The following CTNND2 variants were observed in gnomAD, a reference collection of about 807,000 sequenced individuals.
CTNND2 encodes catenin delta-2.
In CTNND2, 22 loss-of-function variants were observed where a neutral mutation model predicts 144.4. The ratio of observed to expected loss-of-function variants is 0.15; its 90% CI spans 0.11 to 0.22. CTNND2 has a LOEUF of 0.22. Among genes scored for constraint, CTNND2 ranks in the 10% least tolerant of loss-of-function variants. The pLI, the probability that CTNND2 is intolerant of heterozygous loss-of-function variation, is 1.00. For missense variants in CTNND2, 1,353 were observed against 1,618.8 expected (o/e 0.84, Z 2.82); for synonymous variants, 751 against 695.6 (o/e 1.08, Z -1.25).
chr5:11,572,582 C>T (rs190079728), intron 2 of CTNND2, among the ~76,000 whole-genome samples: 208 of 152,230 alleles, frequency 1.4e-3, no homozygotes, highest in Non-Finnish European at 2.6e-3. Context: ...TGATACATCC[C>T]TCTGCTCCAC....
At chr5:11,669,310 T>C (rs1161014074) in intron 2 of CTNND2, among the ~76,000 whole-genome samples, 1 of 152,190 alleles carries the variant, frequency 6.6e-6, no homozygotes, top group Non-Finnish European at 1.5e-5. Context: ...TCTTTTTCTA[T>C]TGTTTGGAAT....
chr5:11,858,138 T>G (rs1024960052), intron 1 of CTNND2, among the ~76,000 whole-genome samples: 3 of 152,242 alleles, frequency 2.0e-5, no homozygotes, highest in African/African-American at 7.2e-5. Flanking sequence ...TTGTGCTTAT[T>G]TTTCACTCTT....
At chr5:10,993,114 A>G (rs545053086) in intron 18 of CTNND2, among the ~76,000 whole-genome samples, 1 of 152,238 alleles carries the variant, frequency 6.6e-6, no homozygotes, top group African/African-American at 2.4e-5. Context: ...TGGCAACCAG[A>G]ATCCAGGGCA....
At chr5:11,369,030 T>C (rs1178105594) in intron 7 of CTNND2, among the ~76,000 whole-genome samples, 1 of 152,230 alleles carries the variant, frequency 6.6e-6, no homozygotes, top group African/African-American at 2.4e-5. Flanking sequence ...CCTCTTACCA[T>C]AAACTATCCA....
At position 11,124,206 on chromosome 5, in the gene CTNND2, G is replaced by T. The variant is rs567533769; in HGVS notation, c.2160-6639C>A. 1.6e-4 allele frequency among the ~76,000 whole-genome samples: 25 copies of T among 152,276 alleles called. No homozygotes were observed. The South Asian group carries it at 4.4e-3, about 27-fold the overall frequency. Reference sequence around the variant, plus strand: ...TGCTCTCTCTTGCTTAGGCTAAGCAGAGACTGAACAGACCTAATAGCTACC... The same window carrying T: ...TGCTCTCTCTTGCTTAGGCTAAGCATAGACTGAACAGACCTAATAGCTACC... On this transcript the variant is annotated intron_variant, in intron 12 of 21. Coordinates refer to ENST00000304623, the MANE Select transcript of CTNND2 (RefSeq NM_001332.4).
intron 9 of CTNND2, among the ~76,000 whole-genome samples, chr5:11,299,940 T>TA (rs35401312): frequency 0.076 from 11,522 of 152,246 alleles, 583 homozygotes; most frequent in South Asian, 0.15. Flanking sequence ...CACGGCCACT[T>TA]ATGTGTGCTA....
chr5:11,075,227 T>C (rs1748814578), intron 16 of CTNND2, among the ~76,000 whole-genome samples: 2 of 152,182 alleles, frequency 1.3e-5, no homozygotes, highest in South Asian at 2.1e-4. Flanking sequence ...AATGGCCCTA[T>C]TCTGACCCCA....
chr5:11,732,391 G>T, intron 1 of CTNND2, 119 bp from the exon 2 acceptor site: 1 of 872,822 alleles, frequency 1.1e-6, no homozygotes, highest in Non-Finnish European at 1.7e-6. Flanking sequence ...TGCTGAGAAA[G>T]ACCAAGACAT....
At chr5:11,144,025 CT>C (rs60717947) in intron 12 of CTNND2, among the ~76,000 whole-genome samples, 11 of 37,974 alleles carry the variant, frequency 2.9e-4, no homozygotes, top group Non-Finnish European at 5.3e-4. Context: ...ACCATAGGGG[CT>C]TGTCCCCAGG....
chr5:11,543,685 T>C (rs940490760), intron 3 of CTNND2, among the ~76,000 whole-genome samples: 1 of 152,004 alleles, frequency 6.6e-6, no homozygotes, highest in African/African-American at 2.4e-5. Flanking sequence ...TAAAGATCAA[T>C]GGAATTCCAT....
chr5:11,740,774 T>C (rs987993770), intron 1 of CTNND2, among the ~76,000 whole-genome samples: 15 of 151,700 alleles, frequency 9.9e-5, no homozygotes, highest in African/African-American at 3.4e-4. Flanking sequence ...TGGGAGAAAA[T>C]TTTTGCAATC....
intron 10 of CTNND2, 43 bp from the exon 11 acceptor site, chr5:11,199,704 T>C (rs371580760): frequency 4.9e-5 from 71 of 1,437,222 alleles, no homozygotes; most frequent in Non-Finnish European, 6.6e-5. Context: ...CAGTGTAAGG[T>C]TTCCCTACCT....
chr5:11,850,183 C>G (rs1794948654), intron 1 of CTNND2, among the ~76,000 whole-genome samples: 1 of 152,086 alleles, frequency 6.6e-6, no homozygotes. Flanking sequence ...ATACAGAGCT[C>G]TCATGTATTC....
At chr5:11,354,227 GA>G in intron 8 of CTNND2, among the ~76,000 whole-genome samples, 1 of 152,258 alleles carries the variant, frequency 6.6e-6, no homozygotes, top group African/African-American at 2.4e-5. Flanking sequence ...ATTAGCTGTG[GA>G]AAAAATCTTC....
At chr5:11,527,752 T>C (rs115952332) in intron 3 of CTNND2, among the ~76,000 whole-genome samples, 18 of 152,320 alleles carry the variant, frequency 1.2e-4, no homozygotes, top group African/African-American at 4.1e-4. Flanking sequence ...TTTTACTGTA[T>C]ACTCTTAACG....
At chr5:11,032,101 G>C (rs1743539190) in intron 16 of CTNND2, among the ~76,000 whole-genome samples, 1 of 152,208 alleles carries the variant, frequency 6.6e-6, no homozygotes, top group Non-Finnish European at 1.5e-5. Context: ...CTAATAGACA[G>C]ATTCTGCCAA....
intron 1 of CTNND2, among the ~76,000 whole-genome samples, chr5:11,785,488 T>C (rs1274857962): frequency 6.6e-6 from 1 of 152,188 alleles, no homozygotes; most frequent in Non-Finnish European, 1.5e-5. Context: ...GAATAAAATA[T>C]GAATTGGATG....
At chr5:11,738,812 T>C (rs1044057978) in intron 1 of CTNND2, among the ~76,000 whole-genome samples, 1 of 152,160 alleles carries the variant, frequency 6.6e-6, no homozygotes, top group African/African-American at 2.4e-5. Flanking sequence ...GTGGCCATTA[T>C]ATGGGTTTGC....
At chr5:11,590,858 G>T (rs1159969526) in intron 2 of CTNND2, among the ~76,000 whole-genome samples, 1 of 152,176 alleles carries the variant, frequency 6.6e-6, no homozygotes, top group Non-Finnish European at 1.5e-5. Context: ...CTCAGATTCA[G>T]CCCACTTTCA....
Sources: allele counts gnomAD v4.1 joint callset (sites outside exome capture counted in the v4.1 genomes callset), GRCh38; gene constraint gnomAD v4.1.1; transcripts MANE v1.5; gene names NCBI Gene and HGNC (gene_info 2026-07-23, HGNC 2026-07-21).